Variants in TDRD5 observed in about 807,000 individuals in gnomAD.
TDRD5 encodes tudor domain-containing protein 5.
TDRD5 carries 41 observed loss-of-function variants against 120.6 expected under a neutral mutation model. That is an observed-to-expected ratio of 0.34 (90% CI 0.26 to 0.44). The LOEUF is 0.44. TDRD5 is among the 20% of genes least tolerant of loss of function. TDRD5 has a pLI of 1.00. For synonymous variants in TDRD5, 430 were observed against 433.7 expected, an observed-to-expected ratio of 0.99 and a Z score of 0.11; for missense variants, 1,006 against 1,221.2, an observed-to-expected ratio of 0.82 and a Z score of 2.63.
In TDRD5 at chr1:179,669,424, T is replaced by A. The variant is rs768628034; in HGVS notation, c.2860+20T>A. 1.2e-6 allele frequency: 2 copies of A among 1,612,728 alleles called. No homozygotes were observed. Among genetic ancestry groups the A allele is most frequent in the East Asian group, 4.5e-5 (2 of 44,888 alleles). ...GTTCTGGTATGTTTGTGTGTACTTG[T>A]GCATGCTCACAGTTGACAAACATGA... On this transcript the variant is annotated intron_variant, in intron 17 of 17. Coordinates refer to ENST00000444136, the MANE Select transcript of TDRD5 (RefSeq NM_001199085.3).
intron 17 of TDRD5, among the ~76,000 whole-genome samples, chr1:179,687,782 C>T (rs993406304): frequency 2.6e-5 from 4 of 151,706 alleles, no homozygotes; most frequent in African/African-American, 4.8e-5. Flanking sequence ...GAATTGATCC[C>T]TTTACCATTA....
chr1:179,669,471 C>T (rs1429319029), intron 17 of TDRD5, 67 bp downstream of exon 17: 10 of 1,565,600 alleles, frequency 6.4e-6, no homozygotes, highest in Middle Eastern at 4.3e-4. Flanking sequence ...GTTGCTAAAA[C>T]AAACCTTCAT....
At chr1:179,614,290 A>G (rs1350011023) in intron 4 of TDRD5, among the ~76,000 whole-genome samples, 2 of 152,224 alleles carry the variant, frequency 1.3e-5, no homozygotes, top group Non-Finnish European at 2.9e-5. Flanking sequence ...CTAATGCAAC[A>G]TAATTTTAAA....
intron 9 of TDRD5, among the ~76,000 whole-genome samples, chr1:179,637,842 G>A (rs1193363860): frequency 6.6e-6 from 1 of 152,224 alleles, no homozygotes; most frequent in Non-Finnish European, 1.5e-5. Context: ...TAAGAAGATA[G>A]GAGATACATG....
intron 17 of TDRD5, among the ~76,000 whole-genome samples, chr1:179,688,306 C>T (rs1286374901): frequency 1.3e-5 from 2 of 152,148 alleles, no homozygotes; most frequent in African/African-American, 2.4e-5. Flanking sequence ...ACTTATGAAG[C>T]TTAGTTTGGC....
In TDRD5 at chr1:179,654,298, A is replaced by G. The variant is rs1021563931; in HGVS notation, c.2258A>G (p.Lys753Arg). 1 of 1,549,854 alleles carries G rather than the reference A, an allele frequency of 6.5e-7. No individual in the cohort carries two copies. Among genetic ancestry groups the G allele is most frequent in the Non-Finnish European group, 8.7e-7 (1 of 1,146,572 alleles). Reference protein sequence around the residue: ...SEFESLKTCNKSFEEDPKWSN... With the variant: ...SEFESLKTCNRSFEEDPKWSN... ...TTTGAGTCTTTGAAAACCTGTAATA[A>G]GAGCTTTGAAGAAGATCCAAAGTGG... Residue 753 changes from lysine (K) to arginine (R), a missense_variant, in exon 14 of 18, where the codon AAG becomes AGG. Around this residue, in one of 3 missense-constraint regions of TDRD5, gnomAD observed 403 missense variants for 448.1 expected, o/e 0.90. Coordinates refer to ENST00000444136, the MANE Select transcript of TDRD5 (RefSeq NM_001199085.3).
chr1:179,690,647 G>T, intron 17 of TDRD5, 49 bp from the exon 18 acceptor site: 1 of 1,579,468 alleles, frequency 6.3e-7, no homozygotes. Flanking sequence ...AGGAGGCAGT[G>T]AGTATGAGTA....
At chr1:179,662,319 G>A in intron 15 of TDRD5, 33 bp downstream of exon 15, 2 of 1,589,992 alleles carry the variant, frequency 1.3e-6, no homozygotes, top group Admixed American at 1.8e-5. Flanking sequence ...AAGCAAATCA[G>A]GCCGGGCACT....
chr1:179,640,501 C>A, intron 11 of TDRD5, 56 bp downstream of exon 11: 1 of 1,523,412 alleles, frequency 6.6e-7, no homozygotes, highest in Non-Finnish European at 9.1e-7. Context: ...TATTATGTGC[C>A]AATAACAGTT....
chr1:179,665,719 C>T (rs192242118), intron 16 of TDRD5, among the ~76,000 whole-genome samples: 20 of 152,226 alleles, frequency 1.3e-4, no homozygotes, highest in African/African-American at 3.6e-4. Context: ...TTATACCCCA[C>T]GAAGAGAAGT....
intron 17 of TDRD5, among the ~76,000 whole-genome samples, chr1:179,686,654 T>C (rs965021414): frequency 1.3e-5 from 2 of 150,352 alleles, no homozygotes; most frequent in Non-Finnish European, 3.0e-5. Context: ...AGAATTCGGC[T>C]GTGAATCTGA....
chr1:179,663,539 C>G (rs769806777), intron 16 of TDRD5, 48 bp downstream of exon 16: 1 of 1,543,506 alleles, frequency 6.5e-7, no homozygotes, highest in Non-Finnish European at 8.7e-7. Context: ...TAAGGAAGTC[C>G]TTTCATTTTT....
Position 179,618,824 on chromosome 1 carries a change from GA to G in TDRD5, c.915+147del, listed in dbSNP as rs1478079253. 1.8e-5 allele frequency: 10 copies of G among 566,010 alleles called. No individual in the cohort carries two copies. The East Asian group carries it at 3.7e-4, about 21-fold the overall frequency. 35.1% of individuals were successfully genotyped at this position (566,010 alleles called of 1,614,324 possible). A position where few individuals can be genotyped will look rare whatever the true frequency, so the allele number is the denominator to read the frequency against. ...CTAAGCAACAATTCTTTTAGACTAAGAAAAAGAAACAAAATACGTACTCCTA... is the reference window on the plus strand; with the variant it reads ...CTAAGCAACAATTCTTTTAGACTAAGAAAAGAAACAAAATACGTACTCCTA... On this transcript the variant is annotated intron_variant, in intron 5 of 17. Transcript: ENST00000444136.
At chr1:179,595,997 G>A (rs1215453983) in intron 4 of TDRD5, among the ~76,000 whole-genome samples, 179 bp downstream of exon 4, 4 of 152,140 alleles carry the variant, frequency 2.6e-5, no homozygotes, top group African/African-American at 9.7e-5. Flanking sequence ...TGGAGTGAAA[G>A]AAGAGTACAA....
chr1:179,601,163 G>T (rs1399072729), intron 4 of TDRD5, among the ~76,000 whole-genome samples: 1 of 152,150 alleles, frequency 6.6e-6, no homozygotes, highest in African/African-American at 2.4e-5. Context: ...ACTACTGAGG[G>T]AGGAGTATTG....
chr1:179,644,304 T>C (rs1678218153), intron 11 of TDRD5, among the ~76,000 whole-genome samples: 1 of 152,158 alleles, frequency 6.6e-6, no homozygotes, highest in Non-Finnish European at 1.5e-5. Flanking sequence ...ACATAGAACT[T>C]TCAAAACTAA....
rs1681109001 is a variant in TDRD5, at chr1:179,690,814, G to A, written c.2979G>A (p.Glu993=). ...AGCTGTCTTTGATTTTGTCTTATGA[G>A]TGCCAGATTTCTCAGAAGCTCTACA... is the stretch of plus-strand genomic sequence containing the variant. ...VDQLSLILSY[E]CQISQKLYIP... The change falls in exon 18 of 18, where the codon GAG becomes GAA. Residue 993 remains glutamate (E), a synonymous_variant. Coordinates refer to ENST00000444136, the MANE Select transcript of TDRD5 (RefSeq NM_001199085.3). 6.2e-7 allele frequency: 1 copy of A among 1,614,238 alleles called. No homozygotes were observed. The highest frequency in any genetic ancestry group is 1.3e-5 in the African/African-American group (1 of 75,060).
Position 179,592,751 on chromosome 1 carries a change from C to T in TDRD5, c.136C>T (p.Arg46Ter). The change falls in exon 2 of 18, where the codon CGA becomes TGA. Residue 46 changes from arginine to a stop codon, truncating the protein, a stop_gained. Coordinates refer to ENST00000444136, the MANE Select transcript of TDRD5 (RefSeq NM_001199085.3). LOFTEE classifies it high-confidence loss of function. ...LLMVGNHLPL[R>*]ILGYRSTMEL... ...GATGGTTGGCAACCATCTACCACTC[C>T]GAATCCTTGGGTATCGGTCCACTAT... is the stretch of plus-strand genomic sequence containing the variant. The T allele has an allele frequency of 6.2e-7, 1 of 1,614,136 alleles. No homozygotes were observed. The highest frequency in any genetic ancestry group is 8.5e-7 in the Non-Finnish European group (1 of 1,180,030).
chr1:179,670,430 G>C (rs10913853), intron 17 of TDRD5, among the ~76,000 whole-genome samples: 2,014 of 152,116 alleles, frequency 0.013, 56 homozygotes, highest in African/African-American at 0.045. Flanking sequence ...ACACACATAG[G>C]AGTCGATTTG....
Sources: allele counts gnomAD v4.1 joint callset (sites outside exome capture counted in the v4.1 genomes callset), GRCh38; gene constraint gnomAD v4.1.1; regional missense constraint gnomAD v4.1.1; transcripts MANE v1.5; gene names NCBI Gene and HGNC (gene_info 2026-07-23, HGNC 2026-07-21).